The following CCDC88A variants were observed in gnomAD, a reference collection of about 807,000 sequenced individuals.
CCDC88A encodes the protein coiled-coil and HOOK domain protein 88A.
Under a neutral mutation model 234.3 loss-of-function variants are expected in CCDC88A, and 54 were observed. The observed-to-expected ratio is 0.23, with a 90% CI of 0.19 to 0.29. The LOEUF (loss-of-function observed/expected upper bound fraction) is 0.29. CCDC88A is among the 10% of genes least tolerant of loss of function. The pLI is 1.00. For missense variants in CCDC88A, 1,832 were observed against 2,123.4 expected, an observed-to-expected ratio of 0.86 and a Z score of 2.70; for synonymous variants, 753 against 737.8, an observed-to-expected ratio of 1.02 and a Z score of -0.33.
rs546805730 is a variant in CCDC88A at position 55,336,590 on chromosome 2, T to C, written c.1656+91A>G. 4 of 781,408 alleles carry C rather than the reference T, an allele frequency of 5.1e-6. No individual in the cohort carries two copies. The African/African-American group carries it at 5.5e-5, about 11-fold the overall frequency. The allele number at this position is 781,408 out of a possible 1,614,324, so 48.4% of individuals were successfully genotyped here. The stretch of plus-strand genomic sequence containing the variant: ...AATTCTAAAATATTTCCCTTTAATG[T>C]TTATATGAACATTTTGTTTGCATAT... On this transcript the variant is annotated intron_variant, in intron 14 of 32. Coordinates refer to ENST00000436346, the MANE Select transcript of CCDC88A (RefSeq NM_001365480.1).
At chr2:55,339,405 TTTA>T in intron 13 of CCDC88A, 56 bp downstream of exon 13, 4 of 695,840 alleles carry the variant, frequency 5.7e-6, no homozygotes, top group Non-Finnish European at 7.7e-6. Context: ...AAATGGGCTA[TTTA>T]TTTACACTTT....
rs982530559 is a variant in CCDC88A at position 55,341,147 on chromosome 2, T to C, written c.1334-1499A>G. On this transcript the variant is annotated intron_variant, in intron 12 of 32. Transcript: ENST00000436346. ...AAATGACAGAATTTCTTTCTTTTTT[T>C]TTTTTTTTTTTTTTTTGAGACAGAG... Among the ~76,000 whole-genome samples, 66 of 143,478 alleles carry C rather than the reference T, an allele frequency of 4.6e-4. No homozygotes were observed. In the South Asian group the frequency reaches 0.01, roughly 22 times the overall value. The allele number at this position is 143,478 out of a possible 152,430, so 94.1% of individuals were successfully genotyped here.
chr2:55,414,542 G>C (rs1681031158), intron 2 of CCDC88A, among the ~76,000 whole-genome samples: 1 of 152,130 alleles, frequency 6.6e-6, no homozygotes, highest in Non-Finnish European at 1.5e-5. Flanking sequence ...TTCTAACAGA[G>C]ATTATTTGCT....
chr2:55,367,185 G>C (rs534139004), intron 5 of CCDC88A, among the ~76,000 whole-genome samples: 2 of 152,148 alleles, frequency 1.3e-5, no homozygotes, highest in Non-Finnish European at 2.9e-5. Flanking sequence ...ATTTATATGA[G>C]GTACCTAGAA....
intron 3 of CCDC88A, among the ~76,000 whole-genome samples, chr2:55,387,173 T>C (rs1368496608): frequency 3.8e-5 from 2 of 52,780 alleles, no homozygotes; most frequent in Non-Finnish European, 6.9e-5. Flanking sequence ...TGAGATTCCA[T>C]CTCAAAAAAA....
At chr2:55,360,522 A>G (rs1671150455) in intron 7 of CCDC88A, among the ~76,000 whole-genome samples, 1 of 152,206 alleles carries the variant, frequency 6.6e-6, no homozygotes, top group Non-Finnish European at 1.5e-5. Context: ...TTTCCCAAGT[A>G]TCTGAGACAG....
intron 2 of CCDC88A, among the ~76,000 whole-genome samples, chr2:55,414,342 G>A (rs1490728845): frequency 6.6e-6 from 1 of 152,150 alleles, no homozygotes; most frequent in East Asian, 1.9e-4. Flanking sequence ...ATCTCAAACA[G>A]GAAAATAATT....
intron 28 of CCDC88A, 147 bp downstream of exon 28, chr2:55,301,059 T>A (rs915904897): frequency 1.7e-6 from 1 of 602,718 alleles, no homozygotes; most frequent in African/African-American, 1.9e-5. Flanking sequence ...AGTATTAGGT[T>A]TGAAGAAATG....
At chr2:55,322,507 C>G in intron 18 of CCDC88A, 21 bp downstream of exon 18, 1 of 1,432,244 alleles carries the variant, frequency 7.0e-7, no homozygotes, top group Non-Finnish European at 9.7e-7. Flanking sequence ...ACTATTTCTA[C>G]TAAAATTTAA....
At chr2:55,292,484 T>G (rs930974222) in intron 31 of CCDC88A, 2 of 152,034 alleles carry the variant, frequency 1.3e-5, no homozygotes, top group Non-Finnish European at 2.9e-5. Context: ...GAAAGTATTG[T>G]TTTTTTTCTT....
At chr2:55,346,683 G>C (rs887594447) in intron 9 of CCDC88A, among the ~76,000 whole-genome samples, 1 of 152,092 alleles carries the variant, frequency 6.6e-6, no homozygotes, top group Non-Finnish European at 1.5e-5. Context: ...GCCTCCCAAA[G>C]TGCTGGGATT....
At chr2:55,395,178 A>G (rs552669216) in intron 2 of CCDC88A, among the ~76,000 whole-genome samples, 13 of 152,236 alleles carry the variant, frequency 8.5e-5, no homozygotes, top group African/African-American at 2.6e-4. Context: ...ATCTCTCACT[A>G]TGTTGCTCAG....
At chr2:55,411,504 T>C (rs1423066576) in intron 2 of CCDC88A, among the ~76,000 whole-genome samples, 1 of 151,872 alleles carries the variant, frequency 6.6e-6, no homozygotes, top group Non-Finnish European at 1.5e-5. Context: ...CCAGGCACGG[T>C]GGCTCATGCC....
At chr2:55,315,109 T>G (rs970259888) in intron 22 of CCDC88A, 3 of 152,366 alleles carry the variant, frequency 2.0e-5, no homozygotes, top group East Asian at 3.9e-4. Context: ...AATTTTTGAC[T>G]GGTTTACTGG....
intron 9 of CCDC88A, among the ~76,000 whole-genome samples, chr2:55,347,333 A>G (rs1186636888): frequency 6.6e-6 from 1 of 152,172 alleles, no homozygotes; most frequent in African/African-American, 2.4e-5. Context: ...CAGGAGGTCA[A>G]AAGTATTTTC....
chr2:55,387,779 C>CAAAAAAAAAAAAAAAAA (rs66479611), intron 3 of CCDC88A, among the ~76,000 whole-genome samples: 1 of 64,848 alleles, frequency 1.5e-5, no homozygotes, highest in Admixed American at 2.0e-4. Context: ...GGCTCCATCT[C>CAAAAAAAAAAAAAAAAA]AAAAAAAAAA....
chr2:55,305,862 TA>T (rs548861030), intron 25 of CCDC88A, among the ~76,000 whole-genome samples: 3 of 148,336 alleles, frequency 2.0e-5, no homozygotes, highest in Non-Finnish European at 3.0e-5. Context: ...CTCCATCTCT[TA>T]AAAAAAAAAC....
In CCDC88A at chr2:55,416,439, AATAAATATATATATATAT is replaced by A. The variant is rs1222838417; in HGVS notation, c.164+2359_164+2376del. Among the ~76,000 whole-genome samples, 15 of 25,586 alleles carry A rather than the reference AATAAATATATATATATAT, an allele frequency of 5.9e-4. 2 individuals are homozygous for A. Among genetic ancestry groups the A allele is most frequent in the Non-Finnish European group, 9.2e-4 (12 of 13,000 alleles). The allele number at this position is 25,586 out of a possible 152,430, so 16.8% of individuals were successfully genotyped here. Reference sequence around the variant, plus strand: ...GGTGAAGAGGTCAAATAAATAAATAAATAAATATATATATATATATATATATATATATATATATATATA... The same window carrying A: ...GGTGAAGAGGTCAAATAAATAAATAAATATATATATATATATATATATATA... On this transcript the variant is annotated intron_variant, in intron 2 of 32. Coordinates refer to ENST00000436346, the MANE Select transcript of CCDC88A (RefSeq NM_001365480.1).
At chr2:55,367,961 G>C (rs1672266827) in intron 5 of CCDC88A, among the ~76,000 whole-genome samples, 1 of 152,146 alleles carries the variant, frequency 6.6e-6, no homozygotes, top group Non-Finnish European at 1.5e-5. Flanking sequence ...GTATTATGTA[G>C]GTTTTAAGTT....
Sources: gnomAD v4.1 joint callset for allele counts (sites outside exome capture counted in the v4.1 genomes callset) on GRCh38, gnomAD v4.1.1 for gene constraint, MANE v1.5 for transcripts, NCBI Gene and HGNC (gene_info 2026-07-23, HGNC 2026-07-21) for gene names.